NFX1: variants seen among roughly 807,000 people sequenced by gnomAD.
NFX1 encodes nuclear transcription factor, X-box binding 1.
In NFX1, 69 loss-of-function variants were observed where a neutral mutation model predicts 137.2. The ratio of observed to expected loss-of-function variants is 0.50; its 90% confidence interval spans 0.41 to 0.61. The LOEUF is 0.61. Among genes scored for constraint, NFX1 ranks in the 20% least tolerant of loss-of-function variants. NFX1 has a pLI of 0.00. For synonymous variants in NFX1, 495 were observed against 474.1 expected, an observed-to-expected ratio of 1.04 and a Z score of -0.57; for missense variants, 1,167 against 1,391.0, an observed-to-expected ratio of 0.84 and a Z score of 2.56.
In NFX1 at chr9:33,295,444, A is replaced by G; in HGVS notation, c.1033+17A>G. On this transcript the variant is annotated intron_variant, in intron 2 of 23. Transcript: ENST00000379540. ...CGCACACAGGTAAACCTACCTAGAT[A>G]GGAAATATTTTGTTGTCTTTTTAAT... 1 of 1,581,546 alleles carries G rather than the reference A, an allele frequency of 6.3e-7. No homozygotes were observed.
intron 11 of NFX1, among the ~76,000 whole-genome samples, chr9:33,335,119 A>G (rs1822949599): frequency 1.3e-5 from 2 of 152,150 alleles, no homozygotes; most frequent in Admixed American, 1.3e-4. Flanking sequence ...AACATAATTA[A>G]CCATTTTAAA....
intron 19 of NFX1, among the ~76,000 whole-genome samples, chr9:33,357,823 G>A (rs891666253): frequency 1.1e-4 from 16 of 151,448 alleles, no homozygotes; most frequent in African/African-American, 3.9e-4. Context: ...GGGATTATAA[G>A]CATGAGTTAC....
intron 19 of NFX1, among the ~76,000 whole-genome samples, chr9:33,355,641 C>CTTTTTTTTTTTTTTTTTTTTTT (rs35866452): frequency 1.1e-5 from 1 of 92,210 alleles, no homozygotes; most frequent in Non-Finnish European, 2.1e-5. Context: ...GTTAAGAATT[C>CTTTTTTTTTTTTTTTTTTTTTT]TTTTTTTTTT....
intron 19 of NFX1, among the ~76,000 whole-genome samples, chr9:33,360,858 A>C (rs1159030100): frequency 6.6e-6 from 1 of 152,224 alleles, no homozygotes; most frequent in Non-Finnish European, 1.5e-5. Flanking sequence ...TGTGAACCAG[A>C]TTCTTGTGGG....
At chr9:33,358,638 A>G (rs1823891112) in intron 19 of NFX1, among the ~76,000 whole-genome samples, 1 of 137,630 alleles carries the variant, frequency 7.3e-6, no homozygotes, top group Admixed American at 7.4e-5. Flanking sequence ...AAATTCTGTG[A>G]ATGGCTTGAT....
intron 19 of NFX1, among the ~76,000 whole-genome samples, chr9:33,359,084 C>A (rs1440420047): frequency 1.3e-5 from 2 of 152,064 alleles, no homozygotes; most frequent in Non-Finnish European, 2.9e-5. Flanking sequence ...TCGCTAAATT[C>A]ACTTATTTCT....
intron 1 of NFX1, among the ~76,000 whole-genome samples, chr9:33,292,967 T>C (rs1276225959): frequency 1.1e-4 from 17 of 152,224 alleles, no homozygotes; most frequent in Non-Finnish European, 2.4e-4. Context: ...CCTTTTGTGA[T>C]TTTGTGAGGC....
At chr9:33,354,927 C>T (rs758507443) in intron 19 of NFX1, 35 bp downstream of exon 19, 3 of 1,608,840 alleles carry the variant, frequency 1.9e-6, no homozygotes, top group South Asian at 1.1e-5. Context: ...AATCTCCTTG[C>T]CCTTGAGCTC....
intron 19 of NFX1, 109 bp downstream of exon 19, chr9:33,355,001 T>C: frequency 9.8e-7 from 1 of 1,025,628 alleles, no homozygotes; most frequent in Non-Finnish European, 1.5e-6. Context: ...GCTGCGTCTT[T>C]TACCGTTATC....
chr9:33,334,722 T>C (rs1389329708), intron 11 of NFX1, among the ~76,000 whole-genome samples: 1 of 152,240 alleles, frequency 6.6e-6, no homozygotes, highest in Admixed American at 6.5e-5. Flanking sequence ...CGTATTTCCA[T>C]GTCAGTATGC....
chr9:33,317,973 C>CAAA (rs5897542), intron 7 of NFX1, among the ~76,000 whole-genome samples: 673 of 44,346 alleles, frequency 0.015, 151 homozygotes, highest in African/African-American at 0.041. Flanking sequence ...GACTCTGTCT[C>CAAA]AAAAAAAAAA....
chr9:33,305,264 G>T (rs559888390), intron 4 of NFX1, among the ~76,000 whole-genome samples: 1 of 152,330 alleles, frequency 6.6e-6, no homozygotes, highest in Admixed American at 6.5e-5. Context: ...GGATGATTAA[G>T]AGAAGCCTTC....
At chr9:33,367,177 C>T (rs1389660551) in intron 22 of NFX1, among the ~76,000 whole-genome samples, 1 of 152,222 alleles carries the variant, frequency 6.6e-6, no homozygotes, top group East Asian at 1.9e-4. Context: ...TTCGAGGCAT[C>T]CCCTGTGAAT....
chr9:33,318,954 C>G lies in NFX1; in HGVS notation c.1733C>G (p.Pro578Arg). Residue 578 changes from proline to arginine, a missense_variant, in exon 9 of 24, where the codon CCT becomes CGT. Physicochemically the swap from Pro to Arg is moderately radical, Grantham distance 103 (BLOSUM62 -2). Transcript: ENST00000379540. ...GNHTCSQVCH[P>R]QPCQQCPRLP... ...CATACATGTTCGCAAGTGTGCCACCCTCAGCCCTGCCAGCAATGCCCACGG... is the reference window on the plus strand; with the variant it reads ...CATACATGTTCGCAAGTGTGCCACCGTCAGCCCTGCCAGCAATGCCCACGG... 2 of 1,614,244 alleles carry G rather than the reference C, an allele frequency of 1.2e-6. 1 individual carries two copies. Among genetic ancestry groups the G allele is most frequent in the Middle Eastern group, 3.3e-4 (2 of 6,062 alleles).
chr9:33,362,955 C>T lies in NFX1; in HGVS notation c.2874-1055C>T, dbSNP rs567799085. Among the ~76,000 whole-genome samples the T allele has an allele frequency of 5.9e-5, 9 of 151,920 alleles. 1 individual carries two copies. The South Asian group carries it at 1.5e-3, about 25-fold the overall frequency. On this transcript the variant is annotated intron_variant, in intron 19 of 23. Coordinates refer to ENST00000379540, the MANE Select transcript of NFX1 (RefSeq NM_002504.6). ...CCAGCTTCAGGTGATCCGCCCGCCT[C>T]GGCCTCCCAAAGTGCTGGGATTACA...
chr9:33,303,338 C>A, intron 4 of NFX1, 70 bp downstream of exon 4: 2 of 1,320,760 alleles, frequency 1.5e-6, no homozygotes, highest in South Asian at 2.4e-5. Flanking sequence ...GAAAGGTGGT[C>A]TGCGGGGCAT....
chr9:33,330,245 G>C (rs1451246412), intron 10 of NFX1, among the ~76,000 whole-genome samples: 1 of 152,232 alleles, frequency 6.6e-6, no homozygotes, highest in African/African-American at 2.4e-5. Context: ...GTACAAGCCA[G>C]GGTGGAGACA....
intron 21 of NFX1, 44 bp downstream of exon 21, chr9:33,364,818 T>C (rs1376494706): frequency 6.2e-7 from 1 of 1,604,072 alleles, no homozygotes; most frequent in Admixed American, 1.7e-5. Flanking sequence ...TAAGGCCAGC[T>C]TGATGAAAAA....
chr9:33,341,845 G>A lies in NFX1; in HGVS notation c.2116-901G>A, dbSNP rs991975927. On this transcript the variant is annotated intron_variant, in intron 12 of 23. Coordinates refer to ENST00000379540, the MANE Select transcript of NFX1 (RefSeq NM_002504.6). ...TAAATGTAAAAATAAGGCTGGATGC[G>A]GTGGCTCATGCCTGTAATCCCAGCA... Among the ~76,000 whole-genome samples, 7 of 152,134 alleles carry A rather than the reference G, an allele frequency of 4.6e-5. No homozygotes were observed. In the South Asian group the frequency reaches 6.2e-4, roughly 13 times the overall value.
Sources: gnomAD v4.1 joint callset for allele counts (sites outside exome capture counted in the v4.1 genomes callset) on GRCh38, gnomAD v4.1.1 for gene constraint, MANE v1.5 for transcripts, NCBI Gene and HGNC (gene_info 2026-07-23, HGNC 2026-07-21) for gene names.